Variants in DPP10 observed in about 807,000 individuals in gnomAD.
DPP10 encodes the protein dipeptidyl peptidase like 10.
In DPP10, 33 loss-of-function variants were observed where a neutral mutation model predicts 120.9. The observed-to-expected ratio is 0.27, with a 90% confidence interval of 0.21 to 0.37. The LOEUF (loss-of-function observed/expected upper bound fraction) is 0.37, where lower values mean the gene tolerates loss of function less well. DPP10 is among the 10% of genes least tolerant of loss of function. The pLI is 1.00. For missense variants in DPP10, 816 were observed against 942.8 expected, an observed-to-expected ratio of 0.87 and a Z score of 1.76; for synonymous variants, 337 against 326.1, an observed-to-expected ratio of 1.03 and a Z score of -0.36.
At position 115,357,929 on chromosome 2, in the gene DPP10, A is replaced by G. The variant is rs538054042; in HGVS notation, c.271+14017A>G. On this transcript the variant is annotated intron_variant, in intron 3 of 25. Transcript: ENST00000410059. The stretch of plus-strand genomic sequence containing the variant: ...AGCTGTACCTTGGCCCCTTTTAGCT[A>G]GGTTTGAAGAGGCTGGGACACAGTA... 2.6e-5 allele frequency among the ~76,000 whole-genome samples: 4 copies of G among 152,182 alleles called. No homozygotes were observed. The East Asian group carries it at 5.8e-4, about 22-fold the overall frequency.
At chr2:115,513,092 T>C (rs2077318280) in intron 4 of DPP10, among the ~76,000 whole-genome samples, 1 of 152,042 alleles carries the variant, frequency 6.6e-6, no homozygotes, top group African/African-American at 2.4e-5. Flanking sequence ...ATAATTGTTT[T>C]ATTTTTCTGA....
At chr2:115,463,766 T>C (rs1423499950) in intron 3 of DPP10, among the ~76,000 whole-genome samples, 1 of 152,178 alleles carries the variant, frequency 6.6e-6, no homozygotes, top group Admixed American at 6.5e-5. Flanking sequence ...TCTCAACCAG[T>C]ACCTCTCTAC....
At chr2:115,368,619 T>C (rs997205754) in intron 3 of DPP10, among the ~76,000 whole-genome samples, 4 of 151,998 alleles carry the variant, frequency 2.6e-5, no homozygotes, top group Non-Finnish European at 5.9e-5. Flanking sequence ...ACTATTAGTT[T>C]GTAGAAATGT....
chr2:115,497,691 T>G (rs2076475202), intron 3 of DPP10, among the ~76,000 whole-genome samples: 2 of 152,004 alleles, frequency 1.3e-5, no homozygotes, highest in Admixed American at 1.3e-4. Context: ...GGAATAGAAG[T>G]TAGAACTCAA....
intron 1 of DPP10, among the ~76,000 whole-genome samples, chr2:114,695,586 A>G (rs934233799): frequency 6.6e-6 from 1 of 152,114 alleles, no homozygotes; most frequent in African/African-American, 2.4e-5. Context: ...GTCCTTTTCC[A>G]TAACAACACA....
intron 1 of DPP10, among the ~76,000 whole-genome samples, chr2:115,152,997 G>C (rs1008821959): frequency 6.6e-6 from 1 of 152,142 alleles, no homozygotes; most frequent in Admixed American, 6.5e-5. Flanking sequence ...GGGAGGGGTG[G>C]TTAAGCCAGA....
rs58468918 is a variant in DPP10, at chr2:115,631,037, CTTTT to C, written c.442-58629_442-58626del. Among the ~76,000 whole-genome samples, 507 of 111,198 alleles carry C rather than the reference CTTTT, an allele frequency of 4.6e-3. 2 individuals are homozygous for C. Among genetic ancestry groups the C allele is most frequent in the African/African-American group, 8.2e-3 (178 of 21,738 alleles). 73.0% of individuals were successfully genotyped at this position (111,198 alleles called of 152,430 possible). A position where few individuals can be genotyped will look rare whatever the true frequency, so the allele number is the denominator to read the frequency against. ...AGCTGTAAATACATCTGATCCTGGG[CTTTT>C]TTTTTTTTTTTTTTTTTTTTGTGGT... On this transcript the variant is annotated intron_variant, in intron 5 of 25. Transcript: ENST00000410059.
chr2:115,569,373 A>G (rs2081205156), intron 5 of DPP10, among the ~76,000 whole-genome samples: 1 of 152,200 alleles, frequency 6.6e-6, no homozygotes, highest in Admixed American at 6.5e-5. Context: ...TGATTTTAAT[A>G]AAAAAGGGCA....
chr2:114,696,230 T>A (rs936276741), intron 1 of DPP10, among the ~76,000 whole-genome samples: 1 of 152,056 alleles, frequency 6.6e-6, no homozygotes, highest in Non-Finnish European at 1.5e-5. Context: ...TCTGCCAAGT[T>A]CATTATCTCT....
intron 19 of DPP10, among the ~76,000 whole-genome samples, chr2:115,798,057 A>G (rs1249864558): frequency 6.6e-6 from 1 of 151,948 alleles, no homozygotes; most frequent in African/African-American, 2.4e-5. Context: ...TCACAGAATT[A>G]TATGAATGAT....
intron 7 of DPP10, among the ~76,000 whole-genome samples, chr2:115,694,007 G>A (rs1196996520): frequency 6.6e-6 from 1 of 152,100 alleles, no homozygotes; most frequent in Non-Finnish European, 1.5e-5. Context: ...GAACTTTAGG[G>A]TGACTAGTTT....
At chr2:115,086,720 T>C (rs1192713732) in intron 1 of DPP10, among the ~76,000 whole-genome samples, 1 of 152,160 alleles carries the variant, frequency 6.6e-6, no homozygotes, top group African/African-American at 2.4e-5. Context: ...CCTCCCAAAG[T>C]GCTGGGATTA....
chr2:115,535,273 T>A lies in DPP10; in HGVS notation c.441+9301T>A, dbSNP rs1016303542. 4.0e-4 allele frequency among the ~76,000 whole-genome samples: 59 copies of A among 147,544 alleles called. 1 individual carries two copies. The highest frequency in any genetic ancestry group is 4.0e-4 in the East Asian group (2 of 5,018). ...CTAACGTTTAAGTCTTTAATCCATC[T>A]TGAATTGATTTTTTTATAAGGTGTA... is the stretch of plus-strand genomic sequence containing the variant. On this transcript the variant is annotated intron_variant, in intron 5 of 25. Coordinates refer to ENST00000410059, the MANE Select transcript of DPP10 (RefSeq NM_020868.6).
chr2:114,835,634 T>G (rs1451340279), intron 1 of DPP10: 1 of 152,168 alleles, frequency 6.6e-6, no homozygotes, highest in Non-Finnish European at 1.5e-5. Context: ...TTGGCAGGAT[T>G]GAGACATGTT....
intron 21 of DPP10, among the ~76,000 whole-genome samples, chr2:115,825,015 G>T (rs1688171354): frequency 6.6e-6 from 1 of 152,106 alleles, no homozygotes; most frequent in South Asian, 2.1e-4. Context: ...GTCAACTTTT[G>T]TCTTTTTACA....
At chr2:115,352,320 A>T (rs2064087071) in intron 3 of DPP10, among the ~76,000 whole-genome samples, 2 of 152,174 alleles carry the variant, frequency 1.3e-5, no homozygotes, top group Non-Finnish European at 2.9e-5. Flanking sequence ...ATCAACAAGC[A>T]TTTATTGAGC....
intron 21 of DPP10, among the ~76,000 whole-genome samples, chr2:115,834,926 A>T (rs1323192225): frequency 6.6e-6 from 1 of 152,122 alleles, no homozygotes; most frequent in African/African-American, 2.4e-5. Context: ...TCTACTAAAA[A>T]TACAAAAAAA....
intron 1 of DPP10, among the ~76,000 whole-genome samples, chr2:115,115,802 A>G (rs908434059): frequency 1.3e-5 from 2 of 152,190 alleles, no homozygotes; most frequent in African/African-American, 4.8e-5. Context: ...TGCTCAAGAT[A>G]ATTGTGAAGC....
chr2:115,161,726 C>T (rs1049839588), intron 1 of DPP10: 111 of 397,190 alleles, frequency 2.8e-4, no homozygotes, highest in African/African-American at 2.2e-3. Flanking sequence ...TGGCGGGGGG[C>T]GGGGAGAGCG....
Sources: gnomAD v4.1 joint callset for allele counts (sites outside exome capture counted in the v4.1 genomes callset) on GRCh38, gnomAD v4.1.1 for gene constraint, MANE v1.5 for transcripts, NCBI Gene and HGNC (gene_info 2026-07-23, HGNC 2026-07-21) for gene names.